Variants in FRY observed in about 807,000 individuals in gnomAD.
The protein encoded by FRY is protein furry homolog.
A neutral mutation model predicts 348.4 loss-of-function variants in FRY; 128 were observed. That is an observed-to-expected ratio of 0.37 (90% CI 0.32 to 0.43). FRY has a LOEUF of 0.43. Among genes scored for constraint, FRY ranks in the 20% least tolerant of loss-of-function variants. The pLI, the probability that FRY is intolerant of heterozygous loss-of-function variation, is 1.00. For synonymous variants in FRY, 1,370 were observed against 1,374.7 expected (o/e 1.00, Z 0.08); for missense variants, 2,736 against 3,695.2 (o/e 0.74, Z 6.73).
At chr13:32,109,094 T>A (rs1317992367) in intron 3 of FRY, among the ~76,000 whole-genome samples, 2 of 152,106 alleles carry the variant, frequency 1.3e-5, no homozygotes, top group African/African-American at 4.8e-5. Context: ...TAAAGGGGCC[T>A]AAACTAAAAT....
intron 25 of FRY, 43 bp downstream of exon 25, chr13:32,184,734 T>C (rs746877688): frequency 8.7e-7 from 1 of 1,152,616 alleles, no homozygotes; most frequent in Non-Finnish European, 1.3e-6. Flanking sequence ...CTCACCAGAC[T>C]GATCTTTTTG....
rs754542767 is a variant in FRY at position 32,147,849 on chromosome 13, A to G, written c.1294A>G (p.Thr432Ala). The change falls in exon 13 of 61, where the codon ACC (threonine) becomes GCC (alanine). Residue 432 changes from threonine to alanine, a missense_variant. Physicochemically the swap from Thr to Ala is moderately conservative, Grantham distance 58. Transcript: ENST00000542859. ...CCCCTTATCTTTCAGCCGACTTATA[A>G]CCATCATCACAACACTTTTCCCCAA... ...SNTATQSRLI[T>A]IITTLFPKGS... 6 of 1,596,678 alleles carry G rather than the reference A, an allele frequency of 3.8e-6. No homozygotes were observed. Among genetic ancestry groups the G allele is most frequent in the Non-Finnish European group, 4.3e-6 (5 of 1,164,190 alleles).
chr13:32,171,301 ATTCTTTT>A, intron 18 of FRY, 31 bp downstream of exon 18: 5 of 663,174 alleles, frequency 7.5e-6, no homozygotes, highest in Non-Finnish European at 1.2e-5. Context: ...ATGAATTTAT[ATTCTTTT>A]TTTTTTTTTT....
At chr13:32,206,817 A>G (rs1384274277) in intron 31 of FRY, among the ~76,000 whole-genome samples, 5 of 152,242 alleles carry the variant, frequency 3.3e-5, no homozygotes, top group Non-Finnish European at 7.3e-5. Context: ...TGTTTTTAAT[A>G]TAAACCCTGT....
chr13:32,184,854 G>T, intron 25 of FRY, 122 bp from the exon 26 acceptor site: 1 of 1,024,314 alleles, frequency 9.8e-7, no homozygotes, highest in Non-Finnish European at 1.5e-6. Context: ...TCTTTACACT[G>T]CATATAGGTT....
chr13:32,173,390 C>T lies in FRY; in HGVS notation c.2175C>T (p.His725=), dbSNP rs779546429. The change falls in exon 19 of 61, where the codon CAC becomes CAT. Residue 725 remains histidine (H), a synonymous_variant. Coordinates refer to ENST00000542859, the MANE Select transcript of FRY (RefSeq NM_023037.3). ...NSELIANGSS[H]RIQSERGPHC... ...AGCTCATCGCAAATGGCTCCAGTCA[C>T]AGAATTCAGTCGGAACGAGGTCCCC... is the stretch of plus-strand genomic sequence containing the variant. 2.5e-6 allele frequency: 4 copies of T among 1,612,110 alleles called. No individual in the cohort carries two copies. In the Admixed American group the frequency reaches 6.7e-5, roughly 27 times the overall value.
intron 15 of FRY, among the ~76,000 whole-genome samples, chr13:32,156,178 A>G (rs1225068678): frequency 2.6e-5 from 4 of 152,246 alleles, no homozygotes; most frequent in African/African-American, 9.6e-5. Context: ...TTTCTTACCA[A>G]GTATCCAAAT....
chr13:32,088,126 A>C (rs553684398), intron 2 of FRY, among the ~76,000 whole-genome samples: 83 of 152,344 alleles, frequency 5.4e-4, no homozygotes, highest in Middle Eastern at 3.4e-3. Flanking sequence ...TGTGGATTCC[A>C]GTCAGCTTCC....
chr13:32,169,734 G>C (rs559899180), intron 17 of FRY, among the ~76,000 whole-genome samples: 1 of 152,114 alleles, frequency 6.6e-6, no homozygotes, highest in South Asian at 2.1e-4. Context: ...CCTAAGTGCT[G>C]TACATAGGGC....
rs1477096384 is a variant in FRY, at chr13:32,228,555, G to T, written c.5306G>T (p.Ser1769Ile). ...TSSSISLGGS[S>I]GNLPQMTQEV... ...TCTAGCATCAGTCTGGGAGGCAGCA[G>T]TGGAAACCTCCCACAGATGACCCAG... Residue 1769 changes from serine to isoleucine, a missense_variant, in exon 40 of 61, where the codon AGT becomes ATT. Physicochemically the swap from Ser to Ile is moderately radical, Grantham distance 142. Transcript: ENST00000542859. 1 of 1,613,932 alleles carries T rather than the reference G, an allele frequency of 6.2e-7. No homozygotes were observed. Among genetic ancestry groups the T allele is most frequent in the Non-Finnish European group, 8.5e-7 (1 of 1,179,828 alleles).
chr13:32,177,352 G>C (rs1882427463), intron 20 of FRY, among the ~76,000 whole-genome samples: 1 of 152,134 alleles, frequency 6.6e-6, no homozygotes, highest in Admixed American at 6.5e-5. Context: ...ACTTTGGGAG[G>C]CCAAAGAAGG....
rs1226877638 is a variant in FRY, at chr13:32,132,073, G to A, written c.885+233G>A. Among the ~76,000 whole-genome samples the A allele has an allele frequency of 2.0e-5, 3 of 151,984 alleles. No individual in the cohort carries two copies. In the South Asian group the frequency reaches 6.2e-4, roughly 32 times the overall value. The stretch of plus-strand genomic sequence containing the variant: ...GAGTATACAGTGGGATTGCTTGTTT[G>A]CTGACTTTTTTCTCTTTCACCCACT... On this transcript the variant is annotated intron_variant, in intron 8 of 60. Coordinates refer to ENST00000542859, the MANE Select transcript of FRY (RefSeq NM_023037.3).
At chr13:32,037,877 AAC>A in intron 1 of FRY, among the ~76,000 whole-genome samples, 1 of 152,328 alleles carries the variant, frequency 6.6e-6, no homozygotes, top group South Asian at 2.1e-4. Flanking sequence ...ATGTGATATT[AAC>A]ACTGAACTGG....
chr13:32,039,052 A>C (rs1872653978), intron 1 of FRY, among the ~76,000 whole-genome samples: 1 of 152,190 alleles, frequency 6.6e-6, no homozygotes, highest in African/African-American at 2.4e-5. Context: ...GATGTTTCAG[A>C]GACAGAGTAG....
rs1324563502 is a variant in FRY at position 32,268,506 on chromosome 13, ATATATAT to A, written c.8136+1148_8136+1154del. ...TAGTTTAAAAAAAAAAAAAAAAAAA[ATATATAT>A]ATATATATATATATATATATATATA... On this transcript the variant is annotated intron_variant, in intron 55 of 60. Coordinates refer to ENST00000542859, the MANE Select transcript of FRY (RefSeq NM_023037.3). 6.4e-3 allele frequency among the ~76,000 whole-genome samples: 184 copies of A among 28,796 alleles called. 2 individuals carry two copies. The highest frequency in any genetic ancestry group is 0.12 in the Middle Eastern group (2 of 16). 18.9% of individuals were successfully genotyped at this position (28,796 alleles called of 152,430 possible).
chr13:32,295,174 T>C (rs769328519), intron 60 of FRY, 28 bp from the exon 61 acceptor site: 1 of 1,611,802 alleles, frequency 6.2e-7, no homozygotes, highest in East Asian at 2.2e-5. Context: ...ATAGTGCCTC[T>C]AATCTGTGCT....
Position 32,287,795 on chromosome 13 carries a change from C to G in FRY, c.8470-1838C>G, listed in dbSNP as rs1464589050. 3 of 781,922 alleles carry G rather than the reference C, an allele frequency of 3.8e-6. No individual in the cohort carries two copies. In the Admixed American group the frequency reaches 7.6e-5, roughly 20 times the overall value. The allele number at this position is 781,922 out of a possible 1,614,324, so 48.4% of individuals were successfully genotyped here. A position where few individuals can be genotyped will look rare whatever the true frequency, so the allele number is the denominator to read the frequency against. On this transcript the variant is annotated intron_variant, in intron 58 of 60. Coordinates refer to ENST00000542859, the MANE Select transcript of FRY (RefSeq NM_023037.3). ...TGCTCTTGGAAAAGGGCCGTGCTTT[C>G]TGTTGCATGCAGACACTGACCCTGT...
chr13:32,187,496 T>C lies in FRY; in HGVS notation c.3481-50T>C, dbSNP rs770304009. 6 of 1,060,604 alleles carry C rather than the reference T, an allele frequency of 5.7e-6. No homozygotes were observed. In the African/African-American group the frequency reaches 9.3e-5, roughly 16 times the overall value. 65.7% of individuals were successfully genotyped at this position (1,060,604 alleles called of 1,614,324 possible). The stretch of plus-strand genomic sequence containing the variant: ...GTTTATAAAGTCAGTTGGATACCAT[T>C]AGATCATTCCAAGTTTCATTTCCAT... On this transcript the variant is annotated intron_variant, in intron 27 of 60. Coordinates refer to ENST00000542859, the MANE Select transcript of FRY (RefSeq NM_023037.3).
At chr13:32,063,328 TA>T (rs1386365562) in intron 1 of FRY, among the ~76,000 whole-genome samples, 1 of 152,174 alleles carries the variant, frequency 6.6e-6, no homozygotes, top group Non-Finnish European at 1.5e-5. Flanking sequence ...GTGTTTGACT[TA>T]AATATGATTC....
Sources: allele counts gnomAD v4.1 joint callset (sites outside exome capture counted in the v4.1 genomes callset), GRCh38; gene constraint gnomAD v4.1.1; transcripts MANE v1.5; gene names NCBI Gene and HGNC (gene_info 2026-07-23, HGNC 2026-07-21).